Variants in SMARCAD1 observed in about 807,000 individuals in gnomAD.
The protein encoded by SMARCAD1 is SNF2 related chromatin remodeling ATPase with DExD box 1.
In SMARCAD1, 25 loss-of-function variants were observed where a neutral mutation model predicts 127.1. The observed-to-expected ratio is 0.20, with a 90% CI of 0.14 to 0.27. The LOEUF (loss-of-function observed/expected upper bound fraction) is 0.27. Ranked by LOEUF, SMARCAD1 falls within the 10% of genes least tolerant of loss-of-function variation. The pLI, the probability that SMARCAD1 is intolerant of heterozygous loss-of-function variation, is 1.00. For missense variants in SMARCAD1, 807 were observed against 1,206.0 expected (o/e 0.67, Z 4.90); for synonymous variants, 400 against 396.9 (o/e 1.01, Z -0.09).
rs779664320 is a variant in SMARCAD1 at position 94,283,172 on chromosome 4, G to T, written c.2778G>T (p.Leu926=). 3.1e-6 allele frequency: 5 copies of T among 1,613,412 alleles called. No individual in the cohort carries two copies. The Admixed American group carries it at 5.0e-5, about 16-fold the overall frequency. Residue 926 remains leucine (L), a synonymous_variant, in exon 22 of 24, where the codon CTG becomes CTT. Transcript: ENST00000354268. ...CCGATATGGATATCTTTGTGTTTCTGCTATCAACAAAAGCTGGTGGATTAG... is the reference window on the plus strand; with the variant it reads ...CCGATATGGATATCTTTGTGTTTCTTCTATCAACAAAAGCTGGTGGATTAG... ...FNTDMDIFVF[L]LSTKAGGLGI...
chr4:94,231,677 A>G (rs1745869704), intron 3 of SMARCAD1, among the ~76,000 whole-genome samples: 1 of 152,034 alleles, frequency 6.6e-6, no homozygotes, highest in Non-Finnish European at 1.5e-5. Context: ...ACAATTCTCT[A>G]ATATCATTTA....
chr4:94,230,851 A>G (rs1403953499), intron 3 of SMARCAD1, among the ~76,000 whole-genome samples: 1 of 152,200 alleles, frequency 6.6e-6, no homozygotes, highest in Non-Finnish European at 1.5e-5. Context: ...AGCCTGTTAC[A>G]GAGATTCAGA....
intron 2 of SMARCAD1, among the ~76,000 whole-genome samples, chr4:94,211,055 C>G (rs946519540): frequency 1.3e-5 from 2 of 151,632 alleles, no homozygotes; most frequent in South Asian, 2.1e-4. Flanking sequence ...GGCTGATCAG[C>G]TGAGGTTGGA....
Position 94,283,280 on chromosome 4 carries a change from A to G in SMARCAD1, c.2886A>G (p.Arg962=), listed in dbSNP as rs746315276. ...NPYNDKQAED[R]CHRVGQTKEV... is the part of the protein sequence containing the mutation. ...ATAATGACAAACAAGCAGAAGATAG[A>G]TGCCATAGAGTAGGCCAGACTAAGT... The change falls in exon 22 of 24, where the codon AGA becomes AGG. Residue 962 remains arginine, a synonymous_variant. Coordinates refer to ENST00000354268, the MANE Select transcript of SMARCAD1 (RefSeq NM_020159.5). 3.7e-6 allele frequency: 6 copies of G among 1,613,318 alleles called. No individual in the cohort carries two copies. Among genetic ancestry groups the G allele is most frequent in the South Asian group, 1.1e-5 (1 of 91,070 alleles).
intron 6 of SMARCAD1, among the ~76,000 whole-genome samples, chr4:94,242,652 C>T (rs1277010128): frequency 2.6e-5 from 4 of 151,626 alleles, no homozygotes; most frequent in African/African-American, 9.7e-5. Context: ...GCCTATAATC[C>T]CAGCATCTTG....
At chr4:94,239,237 T>G (rs1029696741) in intron 5 of SMARCAD1, among the ~76,000 whole-genome samples, 2 of 152,198 alleles carry the variant, frequency 1.3e-5, no homozygotes, top group African/African-American at 2.4e-5. Context: ...TATACTATGT[T>G]ATTGAGACAG....
intron 3 of SMARCAD1, among the ~76,000 whole-genome samples, chr4:94,233,144 T>A (rs1746107726): frequency 6.6e-6 from 1 of 152,220 alleles, no homozygotes; most frequent in African/African-American, 2.4e-5. Context: ...AGAAATAGAA[T>A]TAGCAGCATA....
chr4:94,233,445 C>G (rs546342416), intron 3 of SMARCAD1, among the ~76,000 whole-genome samples: 3 of 152,214 alleles, frequency 2.0e-5, no homozygotes, highest in Admixed American at 2.0e-4. Context: ...TAAATATTCC[C>G]TGTTTGCTGA....
chr4:94,278,754 T>C (rs1345937291), intron 18 of SMARCAD1, 21 bp downstream of exon 18: 1 of 1,608,918 alleles, frequency 6.2e-7, no homozygotes, highest in Admixed American at 1.7e-5. Flanking sequence ...ATTTTTACTC[T>C]TTTATGTGAA....
chr4:94,275,189 T>A (rs1009094835), intron 14 of SMARCAD1, among the ~76,000 whole-genome samples: 1 of 152,128 alleles, frequency 6.6e-6, no homozygotes, highest in Non-Finnish European at 1.5e-5. Context: ...TATAAAAAGG[T>A]TTTGCCTAGT....
chr4:94,278,359 A>G (rs1753582583), intron 16 of SMARCAD1, 63 bp from the exon 17 acceptor site: 19 of 1,367,716 alleles, frequency 1.4e-5, no homozygotes, highest in South Asian at 9.5e-5. Context: ...TTGTGTAATA[A>G]TACTGTTATT....
chr4:94,220,391 G>A (rs181544894), intron 2 of SMARCAD1, among the ~76,000 whole-genome samples: 1 of 152,072 alleles, frequency 6.6e-6, no homozygotes, highest in Non-Finnish European at 1.5e-5. Context: ...GGGACTACAG[G>A]CGTGTGCCAC....
Position 94,289,679 on chromosome 4 carries a change from T to C in SMARCAD1, c.*145T>C, listed in dbSNP as rs748446890. On this transcript the variant is annotated 3_prime_UTR_variant, in exon 24 of 24. Transcript: ENST00000354268. ...ACATTTCTCATAGTATGGACAACTT[T>C]TTGCCACTAACTGAATTCTCCAAAT... The C allele has an allele frequency of 3.6e-6, 3 of 826,942 alleles. No individual in the cohort carries two copies. The highest frequency in any genetic ancestry group is 1.9e-5 in the Admixed American group (1 of 53,874). 51.2% of individuals were successfully genotyped at this position (826,942 alleles called of 1,614,324 possible).
chr4:94,282,623 T>C (rs1289845052), intron 21 of SMARCAD1, among the ~76,000 whole-genome samples: 2 of 152,120 alleles, frequency 1.3e-5, no homozygotes, highest in East Asian at 1.9e-4. Context: ...TAAATTGCAT[T>C]ATATATTTTG....
intron 3 of SMARCAD1, among the ~76,000 whole-genome samples, chr4:94,229,956 A>G (rs11946179): frequency 0.01 from 1,566 of 152,184 alleles, 23 homozygotes; most frequent in African/African-American, 0.035. Context: ...TCAGTCATCA[A>G]GTATGCATAA....
rs115315663 is a variant in SMARCAD1 at position 94,224,649 on chromosome 4, G to T, written c.191-1470G>T. On this transcript the variant is annotated intron_variant, in intron 2 of 23. Coordinates refer to ENST00000354268, the MANE Select transcript of SMARCAD1 (RefSeq NM_020159.5). Reference sequence around the variant, plus strand: ...CAATCTGTATTTACAGATACAGCTCGTGAGCCCTAATAATGATTGTTATAA... The same window carrying T: ...CAATCTGTATTTACAGATACAGCTCTTGAGCCCTAATAATGATTGTTATAA... Among the ~76,000 whole-genome samples, 4 of 152,100 alleles carry T rather than the reference G, an allele frequency of 2.6e-5. No homozygotes were observed. The East Asian group carries it at 5.8e-4, about 22-fold the overall frequency.
At chr4:94,281,669 T>C in intron 21 of SMARCAD1, 79 bp downstream of exon 21, 1 of 942,334 alleles carries the variant, frequency 1.1e-6, no homozygotes, top group Non-Finnish European at 1.7e-6. Context: ...TAACAAACAA[T>C]TGATAGTATT....
At position 94,235,229 on chromosome 4, in the gene SMARCAD1, C is replaced by CT. The variant is rs35123705; in HGVS notation, c.537+1136dup. The stretch of plus-strand genomic sequence containing the variant: ...TCCCAGTCCCAGGCAACCACCAATC[C>CT]TTTTTTTTTTTTTTTTTTTTTTTTT... On this transcript the variant is annotated intron_variant, in intron 4 of 23. Transcript: ENST00000354268. Among the ~76,000 whole-genome samples, 183 of 39,308 alleles carry CT rather than the reference C, an allele frequency of 4.7e-3. 13 individuals are homozygous for CT. Among genetic ancestry groups the CT allele is most frequent in the African/African-American group, 0.016 (158 of 10,032 alleles). 25.8% of individuals were successfully genotyped at this position (39,308 alleles called of 152,430 possible). A position where few individuals can be genotyped will look rare whatever the true frequency, so the allele number is the denominator to read the frequency against.
intron 2 of SMARCAD1, among the ~76,000 whole-genome samples, chr4:94,209,338 A>C (rs1741808324): frequency 6.6e-6 from 1 of 152,224 alleles, no homozygotes; most frequent in Admixed American, 6.5e-5. Context: ...GTTAATGTGA[A>C]ATGAGATTCA....
Sources: allele counts gnomAD v4.1 joint callset (sites outside exome capture counted in the v4.1 genomes callset), GRCh38; gene constraint gnomAD v4.1.1; transcripts MANE v1.5; gene names NCBI Gene and HGNC (gene_info 2026-07-23, HGNC 2026-07-21).